The following LGR5 variants were observed in gnomAD, a reference collection of about 807,000 sequenced individuals.
LGR5 encodes the protein leucine rich repeat containing G protein-coupled receptor 5, also known as leucine-rich repeat-containing G protein-coupled receptor 5.
A neutral mutation model predicts 76.7 loss-of-function variants in LGR5; 54 were observed. That is an observed-to-expected ratio of 0.70 (90% CI 0.57 to 0.88). The LOEUF is 0.88. LGR5 is among the 40% of genes least tolerant of loss of function. The pLI is 0.00. For synonymous variants in LGR5, 406 were observed against 421.9 expected (o/e 0.96, Z 0.46); for missense variants, 1,078 against 1,073.3 (o/e 1.00, Z -0.06).
chr12:71,446,808 C>T (rs572977863), intron 1 of LGR5, among the ~76,000 whole-genome samples: 8 of 152,222 alleles, frequency 5.3e-5, no homozygotes, highest in African/African-American at 1.9e-4. Flanking sequence ...GTGAGCATTA[C>T]ATTATATAGT....
intron 7 of LGR5, among the ~76,000 whole-genome samples, chr12:71,561,457 G>A (rs1457740705): frequency 6.6e-6 from 1 of 152,104 alleles, no homozygotes; most frequent in Admixed American, 6.6e-5. Flanking sequence ...TCCAAAAATG[G>A]TTTCCACTCT....
chr12:71,495,852 T>C (rs73337747), intron 1 of LGR5, among the ~76,000 whole-genome samples: 3,645 of 148,470 alleles, frequency 0.025, 356 homozygotes, highest in African/African-American at 0.091. Context: ...TTATTAGCCC[T>C]TTCCTTACTT....
intron 1 of LGR5, among the ~76,000 whole-genome samples, chr12:71,461,910 C>T (rs1387228286): frequency 6.6e-6 from 1 of 152,132 alleles, no homozygotes; most frequent in Non-Finnish European, 1.5e-5. Context: ...GTAAATACTC[C>T]AAGAATCCAG....
intron 1 of LGR5, among the ~76,000 whole-genome samples, chr12:71,446,008 G>A (rs1272917374): frequency 1.3e-5 from 2 of 152,124 alleles, no homozygotes; most frequent in Non-Finnish European, 2.9e-5. Flanking sequence ...TTCCTTCAGG[G>A]CTTATTCTTC....
intron 1 of LGR5, among the ~76,000 whole-genome samples, chr12:71,501,437 T>C (rs79665807): frequency 0.012 from 1,860 of 152,326 alleles, 16 homozygotes; most frequent in Middle Eastern, 0.037. Context: ...ATAATGAGCA[T>C]TCTCACCCTG....
In LGR5 at chr12:71,585,859, TAA is replaced by T. The variant is rs1879296657; in HGVS notation, c.*1126_*1127del. The T allele has an allele frequency of 6.6e-6, 1 of 152,226 alleles. No homozygotes were observed. The highest frequency in any genetic ancestry group is 2.1e-4 in the South Asian group (1 of 4,832). The allele number at this position is 152,226 out of a possible 1,614,324, so 9.4% of individuals were successfully genotyped here. A position where few individuals can be genotyped will look rare whatever the true frequency, so the allele number is the denominator to read the frequency against. ...CATTACTTCTCTGCTTATTCCATAT[TAA>T]TACTGTGTTAGGTATTTTAAGAAGC... On this transcript the variant is annotated 3_prime_UTR_variant, in exon 18 of 18. Coordinates refer to ENST00000266674, the MANE Select transcript of LGR5 (RefSeq NM_003667.4).
intron 1 of LGR5, among the ~76,000 whole-genome samples, chr12:71,478,096 A>C (rs1873419780): frequency 6.6e-6 from 1 of 152,216 alleles, no homozygotes; most frequent in Admixed American, 6.5e-5. Flanking sequence ...GATATAACTT[A>C]CACTGACATT....
chr12:71,558,701 G>A (rs756683449), intron 6 of LGR5, among the ~76,000 whole-genome samples: 2 of 152,188 alleles, frequency 1.3e-5, no homozygotes, highest in Admixed American at 6.5e-5. Flanking sequence ...CCACAGAGGA[G>A]GATCTAACCA....
At chr12:71,562,303 C>T (rs914648225) in intron 8 of LGR5, among the ~76,000 whole-genome samples, 4 of 152,168 alleles carry the variant, frequency 2.6e-5, no homozygotes, top group Non-Finnish European at 5.9e-5. Flanking sequence ...TGCTAAGCCT[C>T]TATCTCCATT....
chr12:71,474,684 A>G (rs935927814), intron 1 of LGR5, among the ~76,000 whole-genome samples: 1 of 152,234 alleles, frequency 6.6e-6, no homozygotes, highest in African/African-American at 2.4e-5. Flanking sequence ...CCTGTATTCA[A>G]TTTCACATGA....
chr12:71,563,362 T>A (rs1280607), intron 8 of LGR5, among the ~76,000 whole-genome samples: 133,988 of 152,070 alleles, frequency 0.88, 61,009 homozygotes, highest in East Asian at 1. Context: ...AACCATGACA[T>A]CCAGATTTTC....
intron 7 of LGR5, among the ~76,000 whole-genome samples, chr12:71,560,664 T>C (rs1197135793): frequency 6.6e-6 from 1 of 152,174 alleles, no homozygotes; most frequent in Non-Finnish European, 1.5e-5. Context: ...TCGTGGCACA[T>C]GCCTATAATC....
At chr12:71,549,923 G>A (rs1435671018) in intron 4 of LGR5, among the ~76,000 whole-genome samples, 1 of 152,180 alleles carries the variant, frequency 6.6e-6, no homozygotes, top group Non-Finnish European at 1.5e-5. Context: ...GTGGAGGCCA[G>A]ATTATATCCT....
intron 1 of LGR5, among the ~76,000 whole-genome samples, chr12:71,485,702 C>T (rs1202765528): frequency 1.3e-5 from 2 of 151,932 alleles, no homozygotes; most frequent in Non-Finnish European, 2.9e-5. Context: ...TGCACTCCAG[C>T]CTGGGCAACA....
rs1433615113 is a variant in LGR5, at chr12:71,583,807, C to T, written c.1797C>T (p.Ile599=). The T allele has an allele frequency of 9.9e-6, 16 of 1,613,976 alleles. No homozygotes were observed. The highest frequency in any genetic ancestry group is 1.7e-5 in the Admixed American group (1 of 60,006). ...ISPIKLLIGV[I]AAVNMLTGVS... is the part of the protein sequence containing the mutation. ...CCATTAAACTGTTAATTGGGGTCATCGCAGCAGTGAACATGCTCACGGGAG... is the reference window on the plus strand; with the variant it reads ...CCATTAAACTGTTAATTGGGGTCATTGCAGCAGTGAACATGCTCACGGGAG... The change falls in exon 18 of 18, where the codon ATC becomes ATT. Residue 599 remains isoleucine (I), a synonymous_variant. Transcript: ENST00000266674.
chr12:71,553,840 CA>C (rs2137413438), intron 5 of LGR5, among the ~76,000 whole-genome samples: 1 of 152,308 alleles, frequency 6.6e-6, no homozygotes, highest in Non-Finnish European at 1.5e-5. Flanking sequence ...CCTGTAATCC[CA>C]GCACTTTGCG....
In LGR5 at chr12:71,495,719, A is replaced by C. The variant is rs748791302; in HGVS notation, c.213-8895A>C. Among the ~76,000 whole-genome samples the C allele has an allele frequency of 2.6e-5, 4 of 151,416 alleles. 1 individual carries two copies. The highest frequency in any genetic ancestry group is 4.9e-5 in the African/African-American group (2 of 40,636). On this transcript the variant is annotated intron_variant, in intron 1 of 17. Transcript: ENST00000266674. Reference sequence around the variant, plus strand: ...AATATCAAGGCCAGGACTCAAACTAAGACAAAATATCTACAGAATACACAC... The same window carrying C: ...AATATCAAGGCCAGGACTCAAACTACGACAAAATATCTACAGAATACACAC...
intron 1 of LGR5, among the ~76,000 whole-genome samples, chr12:71,485,724 T>A (rs1873796019): frequency 6.6e-6 from 1 of 151,782 alleles, no homozygotes; most frequent in Admixed American, 6.6e-5. Context: ...AGCAAGACCC[T>A]GTCTCAAAAA....
Position 71,441,294 on chromosome 12 carries a change from C to T in LGR5, c.212+1002C>T, listed in dbSNP as rs533025876. On this transcript the variant is annotated intron_variant, in intron 1 of 17. Transcript: ENST00000266674. ...GACCAAGGCGACTACTCTCTCCACC[C>T]CCGTGCAAAGCATCTGGGGCTTCAT... is the stretch of plus-strand genomic sequence containing the variant. 9.8e-5 allele frequency among the ~76,000 whole-genome samples: 15 copies of T among 152,298 alleles called. No homozygotes were observed. In the East Asian group the frequency reaches 2.7e-3, roughly 27 times the overall value.
Sources: allele counts gnomAD v4.1 joint callset (sites outside exome capture counted in the v4.1 genomes callset), GRCh38; gene constraint gnomAD v4.1.1; transcripts MANE v1.5; gene names NCBI Gene and HGNC (gene_info 2026-07-23, HGNC 2026-07-21).